The following INPP4B variants were observed in gnomAD, a reference collection of about 807,000 sequenced individuals.
INPP4B encodes the protein inositol polyphosphate-4-phosphatase type II B, also known as inositol polyphosphate 4-phosphatase type II.
In INPP4B, 55 loss-of-function variants were observed where a neutral mutation model predicts 122.5. That is an observed-to-expected ratio of 0.45 (90% confidence interval 0.36 to 0.56). The LOEUF is 0.56. INPP4B is among the 20% of genes least tolerant of loss of function. The pLI, the probability that INPP4B is intolerant of heterozygous loss-of-function variation, is 0.00. For missense variants in INPP4B, 1,000 were observed against 1,097.7 expected (o/e 0.91, Z 1.26); for synonymous variants, 403 against 388.7 (o/e 1.04, Z -0.43).
chr4:142,466,448 T>C (rs553415893), intron 2 of INPP4B, among the ~76,000 whole-genome samples: 1 of 152,214 alleles, frequency 6.6e-6, no homozygotes. Flanking sequence ...AAGCATTCAA[T>C]ATGTGATCTG....
At chr4:142,649,847 A>C (rs745410098) in intron 2 of INPP4B, among the ~76,000 whole-genome samples, 1 of 152,242 alleles carries the variant, frequency 6.6e-6, no homozygotes, top group African/African-American at 2.4e-5. Flanking sequence ...CAACATTCAA[A>C]TTCAGAAAAC....
chr4:142,801,892 T>C (rs567403649), intron 1 of INPP4B, among the ~76,000 whole-genome samples: 234 of 152,258 alleles, frequency 1.5e-3, no homozygotes, highest in Non-Finnish European at 3.0e-3. Context: ...TCATGCTACA[T>C]GCCTCTGGTA....
At chr4:142,489,776 T>G (rs1044039305) in intron 2 of INPP4B, among the ~76,000 whole-genome samples, 3 of 152,168 alleles carry the variant, frequency 2.0e-5, no homozygotes, top group African/African-American at 7.2e-5. Flanking sequence ...CATTTGTGTA[T>G]TCTTTCTTTG....
At chr4:142,097,155 A>G (rs772765386) in intron 23 of INPP4B, among the ~76,000 whole-genome samples, 10 of 151,798 alleles carry the variant, frequency 6.6e-5, no homozygotes, top group Non-Finnish European at 2.9e-5. Context: ...CAGGTCATAC[A>G]TTTTTTTATT....
chr4:142,317,837 G>C (rs573731569), intron 7 of INPP4B, among the ~76,000 whole-genome samples: 22 of 152,292 alleles, frequency 1.4e-4, no homozygotes, highest in South Asian at 1.2e-3. Flanking sequence ...GAAATAGTAA[G>C]TATTCTGTTG....
chr4:142,740,569 A>C (rs774416388), intron 1 of INPP4B, among the ~76,000 whole-genome samples: 6 of 152,042 alleles, frequency 3.9e-5, no homozygotes, highest in Non-Finnish European at 8.8e-5. Flanking sequence ...TACTAACACT[A>C]GGATCTTGGA....
At chr4:142,539,593 C>A (rs1208929783) in intron 2 of INPP4B, among the ~76,000 whole-genome samples, 1 of 151,956 alleles carries the variant, frequency 6.6e-6, no homozygotes, top group Non-Finnish European at 1.5e-5. Context: ...AGAACAAAAC[C>A]TTCACCAATG....
intron 23 of INPP4B, among the ~76,000 whole-genome samples, chr4:142,092,235 T>G (rs336292): frequency 0.64 from 97,538 of 152,138 alleles, 33,255 homozygotes; most frequent in Non-Finnish European, 0.76. Context: ...TAGGATAAAA[T>G]TAACATAAGA....
intron 1 of INPP4B, among the ~76,000 whole-genome samples, chr4:142,845,186 C>T (rs1303174005): frequency 1.3e-5 from 2 of 152,110 alleles, no homozygotes; most frequent in East Asian, 3.9e-4. Context: ...TATGTGCTTC[C>T]TCACCCTCTT....
intron 14 of INPP4B, among the ~76,000 whole-genome samples, chr4:142,194,939 A>T (rs2636666): frequency 0.64 from 96,862 of 152,182 alleles, 36,621 homozygotes; most frequent in Non-Finnish European, 0.83. Context: ...TTTGAGTCTG[A>T]AAAGAAAAAT....
chr4:142,621,762 C>G (rs1034727109), intron 2 of INPP4B, among the ~76,000 whole-genome samples: 7 of 150,632 alleles, frequency 4.6e-5, no homozygotes, highest in African/African-American at 1.7e-4. Flanking sequence ...TCACACATAC[C>G]TTATAAAAAT....
intron 9 of INPP4B, among the ~76,000 whole-genome samples, chr4:142,299,790 T>C (rs2151101046): frequency 6.6e-6 from 1 of 152,104 alleles, no homozygotes; most frequent in Admixed American, 6.5e-5. Flanking sequence ...TACTTTCTGG[T>C]ACCTCCCCCT....
intron 1 of INPP4B, among the ~76,000 whole-genome samples, chr4:142,797,093 C>T (rs1777357095): frequency 6.6e-6 from 1 of 151,808 alleles, no homozygotes; most frequent in Admixed American, 6.6e-5. Flanking sequence ...AAGCAAAATG[C>T]TAGCATTTAT....
At chr4:142,608,842 T>C (rs1316721378) in intron 2 of INPP4B, among the ~76,000 whole-genome samples, 2 of 152,178 alleles carry the variant, frequency 1.3e-5, no homozygotes, top group Non-Finnish European at 2.9e-5. Context: ...AGTGCTGCTA[T>C]ACTAACTTCA....
chr4:142,314,879 C>CTT, intron 7 of INPP4B, 117 bp from the exon 8 acceptor site: 1 of 797,880 alleles, frequency 1.3e-6, no homozygotes, highest in Non-Finnish European at 2.0e-6. Flanking sequence ...TGTGGTTAAT[C>CTT]ATTAATGAAT....
chr4:142,630,324 C>A (rs769656189), intron 2 of INPP4B, among the ~76,000 whole-genome samples: 4 of 152,068 alleles, frequency 2.6e-5, no homozygotes, highest in Non-Finnish European at 5.9e-5. Flanking sequence ...TTACTTACAG[C>A]CAACATAGTA....
chr4:142,727,477 T>C (rs1765484496), intron 1 of INPP4B, among the ~76,000 whole-genome samples: 1 of 107,190 alleles, frequency 9.3e-6, no homozygotes, highest in Admixed American at 1.1e-4. Context: ...GGACAATTAT[T>C]TCAAGTAATT....
At chr4:142,380,861 T>C (rs1202521099) in intron 7 of INPP4B, among the ~76,000 whole-genome samples, 1 of 152,074 alleles carries the variant, frequency 6.6e-6, no homozygotes, top group Admixed American at 6.6e-5. Context: ...ATACTATTTC[T>C]GAAACATCCT....
In INPP4B at chr4:142,790,984, A is replaced by G. The variant is rs184884244; in HGVS notation, c.-254+55225T>C. 4.2e-3 allele frequency among the ~76,000 whole-genome samples: 641 copies of G among 152,238 alleles called. 3 individuals are homozygous for G. Among genetic ancestry groups the G allele is most frequent in the Non-Finnish European group, 6.6e-3 (447 of 68,010 alleles). ...AGTTTTCAGAAACCTGCCCACATTT[A>G]AGAACTTCTAATTAAAGAATAATAG... On this transcript the variant is annotated intron_variant, in intron 1 of 25. Coordinates refer to ENST00000262992, the MANE Select transcript of INPP4B (RefSeq NM_001101669.3).
Sources: allele counts gnomAD v4.1 joint callset (sites outside exome capture counted in the v4.1 genomes callset), GRCh38; gene constraint gnomAD v4.1.1; transcripts MANE v1.5; gene names NCBI Gene and HGNC (gene_info 2026-07-23, HGNC 2026-07-21).